Variants in PEAK1 observed in about 807,000 individuals in gnomAD.
PEAK1 encodes pseudopodium enriched atypical kinase 1.
Under a neutral mutation model 124.7 loss-of-function variants are expected in PEAK1, and 54 were observed. That is an observed-to-expected ratio of 0.43 (90% CI 0.35 to 0.54). PEAK1 has a LOEUF of 0.54. Among genes scored for constraint, PEAK1 ranks in the 20% least tolerant of loss-of-function variants. PEAK1 has a pLI of 0.01. For synonymous variants in PEAK1, 719 were observed against 760.0 expected (o/e 0.95, Z 0.89); for missense variants, 2,046 against 2,134.5 (o/e 0.96, Z 0.82).
chr15:77,179,773 A>T lies in PEAK1; in HGVS notation c.2154T>A (p.Ser718=). 1.2e-6 allele frequency: 2 copies of T among 1,614,052 alleles called. No individual in the cohort carries two copies. Among genetic ancestry groups the T allele is most frequent in the Non-Finnish European group, 1.7e-6 (2 of 1,180,006 alleles). ...EFNNCLNRGQ[S]SPQRSYSSSH... The stretch of plus-strand genomic sequence containing the variant: ...TGGAACTATAGCTTCTCTGTGGTGA[A>T]GACTGACCTCTGTTGAGACAGTTGT... The change falls in exon 7 of 10, where the codon TCT becomes TCA. Residue 718 remains serine (S), a synonymous_variant. Transcript: ENST00000682557.
At chr15:77,132,058 T>C (rs2052909569) in intron 9 of PEAK1, among the ~76,000 whole-genome samples, 1 of 152,028 alleles carries the variant, frequency 6.6e-6, no homozygotes, top group South Asian at 2.1e-4. Context: ...TAGGTAGCCC[T>C]TGCAAAAAGC....
At chr15:77,418,607 G>C (rs1262644066) in intron 1 of PEAK1, 2 of 985,010 alleles carry the variant, frequency 2.0e-6, no homozygotes, top group South Asian at 4.7e-5. Flanking sequence ...AGTCACCAAA[G>C]AGAAGTCCCA....
intron 2 of PEAK1, among the ~76,000 whole-genome samples, chr15:77,359,674 A>C (rs1180564736): frequency 6.6e-6 from 1 of 152,220 alleles, no homozygotes; most frequent in Non-Finnish European, 1.5e-5. Flanking sequence ...TGAAATTAGA[A>C]AAAAAATTTC....
intron 9 of PEAK1, among the ~76,000 whole-genome samples, chr15:77,124,773 C>A (rs2052229283): frequency 6.6e-6 from 1 of 152,210 alleles, no homozygotes; most frequent in Admixed American, 6.5e-5. Flanking sequence ...ACCTCTTAAG[C>A]TCATCACTCA....
At chr15:77,250,249 A>G (rs1289581707) in intron 6 of PEAK1, among the ~76,000 whole-genome samples, 3 of 72,364 alleles carry the variant, frequency 4.1e-5, no homozygotes, top group African/African-American at 1.1e-4. Flanking sequence ...GTATATATAT[A>G]TATATATATT....
intron 2 of PEAK1, chr15:77,348,776 C>G (rs1373658561): frequency 1.6e-6 from 1 of 623,674 alleles, no homozygotes; most frequent in African/African-American, 3.4e-5. Flanking sequence ...TGATGAATAT[C>G]TTTTTTTCTT....
chr15:77,174,566 A>C (rs957891251), intron 7 of PEAK1, among the ~76,000 whole-genome samples: 3 of 152,188 alleles, frequency 2.0e-5, no homozygotes, highest in Non-Finnish European at 4.4e-5. Flanking sequence ...TCATGCTTTA[A>C]ACTTTTCAAA....
chr15:77,272,794 A>G (rs1055686398), intron 5 of PEAK1, among the ~76,000 whole-genome samples: 1 of 152,176 alleles, frequency 6.6e-6, no homozygotes, highest in African/African-American at 2.4e-5. Flanking sequence ...AAAACCAGAA[A>G]AGGACATAAC....
At chr15:77,337,348 A>G (rs1335268531) in intron 2 of PEAK1, 1 of 957,768 alleles carries the variant, frequency 1.0e-6, no homozygotes, top group Non-Finnish European at 1.2e-6. Context: ...AGAAACCATC[A>G]GTGAATATTT....
intron 1 of PEAK1, among the ~76,000 whole-genome samples, chr15:77,380,680 T>C (rs2069403712): frequency 6.6e-6 from 1 of 152,046 alleles, no homozygotes; most frequent in African/African-American, 2.4e-5. Context: ...GGTTTCACTG[T>C]GTTGCCCAGG....
intron 2 of PEAK1, among the ~76,000 whole-genome samples, chr15:77,291,219 G>A (rs1430937845): frequency 6.6e-6 from 1 of 152,026 alleles, no homozygotes; most frequent in Admixed American, 6.5e-5. Flanking sequence ...AGAAAGTAGG[G>A]GTAATTCTCA....
At chr15:77,321,027 T>C (rs574795398) in intron 2 of PEAK1, among the ~76,000 whole-genome samples, 2 of 152,350 alleles carry the variant, frequency 1.3e-5, no homozygotes, top group Non-Finnish European at 2.9e-5. Context: ...CCATGGTGTA[T>C]ATGTGCCACA....
intron 2 of PEAK1, among the ~76,000 whole-genome samples, chr15:77,289,317 A>G (rs1173470025): frequency 5.3e-5 from 8 of 152,240 alleles, no homozygotes; most frequent in Admixed American, 1.3e-4. Context: ...TCTATATTGC[A>G]TAATAGTTTA....
intron 1 of PEAK1, among the ~76,000 whole-genome samples, chr15:77,398,688 C>G (rs1051259165): frequency 6.6e-6 from 1 of 152,140 alleles, no homozygotes; most frequent in Non-Finnish European, 1.5e-5. Context: ...CTGAAAACCT[C>G]TCCTCTAAGG....
chr15:77,345,326 A>T (rs879650663), intron 2 of PEAK1, among the ~76,000 whole-genome samples: 1 of 152,132 alleles, frequency 6.6e-6, no homozygotes, highest in Non-Finnish European at 1.5e-5. Context: ...ATTCAACTGG[A>T]TAGCTTTGTA....
In PEAK1 at chr15:77,179,431, A is replaced by T. The variant is rs1416519791; in HGVS notation, c.2496T>A (p.Pro832=). ...TGGTGGTAGGACTGTCTGTGGTCTG[A>T]GGTGCTTCAGCCTCACCACTAGGCT... The part of the protein sequence containing the change: ...TSQPSGEAEA[P]QTTDSPTTKV... The change falls in exon 7 of 10, where the codon CCT becomes CCA. Residue 832 remains proline, a synonymous_variant. Coordinates refer to ENST00000682557, the MANE Select transcript of PEAK1 (RefSeq NM_001385026.1). 6.2e-7 allele frequency: 1 copy of T among 1,614,018 alleles called. No individual in the cohort carries two copies. The highest frequency in any genetic ancestry group is 1.7e-5 in the Admixed American group (1 of 59,996).
At chr15:77,145,527 G>A (rs2054116467) in intron 8 of PEAK1, among the ~76,000 whole-genome samples, 2 of 152,136 alleles carry the variant, frequency 1.3e-5, no homozygotes, top group Admixed American at 6.5e-5. Flanking sequence ...TTATGACCTG[G>A]TAGGTAATCA....
intron 2 of PEAK1, among the ~76,000 whole-genome samples, chr15:77,363,494 T>G (rs529784184): frequency 7.0e-4 from 107 of 152,212 alleles, no homozygotes; most frequent in African/African-American, 2.5e-3. Flanking sequence ...CACCTTTTCC[T>G]CCAACCCACC....
chr15:77,391,143 T>C (rs2070414934), intron 1 of PEAK1, among the ~76,000 whole-genome samples: 1 of 152,110 alleles, frequency 6.6e-6, no homozygotes, highest in African/African-American at 2.4e-5. Context: ...CCCCAGCAAA[T>C]GATACTGGTT....
Sources: allele counts gnomAD v4.1 joint callset (sites outside exome capture counted in the v4.1 genomes callset), GRCh38; gene constraint gnomAD v4.1.1; transcripts MANE v1.5; gene names NCBI Gene and HGNC (gene_info 2026-07-23, HGNC 2026-07-21).